Variants in MSANTD1 observed in about 807,000 individuals in gnomAD.
The protein encoded by MSANTD1 is Myb/SANT DNA binding domain containing 1.
A neutral mutation model predicts 24.2 loss-of-function variants in MSANTD1; 7 were observed. That is an observed-to-expected ratio of 0.29 (90% CI 0.16 to 0.54). The LOEUF is 0.54. MSANTD1 is among the 20% of genes least tolerant of loss of function. MSANTD1 has a pLI of 0.94. For missense variants in MSANTD1, 384 were observed against 408.2 expected (o/e 0.94, Z 0.51); for synonymous variants, 177 against 181.1 (o/e 0.98, Z 0.18).
Position 3,249,202 on chromosome 4 carries a change from C to T in MSANTD1, c.-21C>T, listed in dbSNP as rs543507216. ...GAGCGTGGAGCTGCCTTCGAGCGAG[C>T]GTGAGCGGCGCCTCCCGCCCATGGT... On this transcript the variant is annotated 5_prime_UTR_variant, in exon 1 of 3. Coordinates refer to ENST00000438480, the MANE Select transcript of MSANTD1 (RefSeq NM_001042690.2). The T allele has an allele frequency of 3.3e-5, 46 of 1,376,894 alleles. No individual in the cohort carries two copies. Among genetic ancestry groups the T allele is most frequent in the African/African-American group, 6.1e-5 (4 of 65,592 alleles). The allele number at this position is 1,376,894 out of a possible 1,614,324, so 85.3% of individuals were successfully genotyped here. A position where few individuals can be genotyped will look rare whatever the true frequency, so the allele number is the denominator to read the frequency against.
upstream of MSANTD1, among the ~76,000 whole-genome samples, chr4:3,246,225 C>A (rs1722021338): frequency 6.6e-6 from 1 of 152,172 alleles, no homozygotes; most frequent in African/African-American, 2.4e-5. Flanking sequence ...TGCCTTCACC[C>A]AAGCCCTGAA....
chr4:3,245,866 TCTGGGCCCTGGGTGGGCC>T (rs1722012241), upstream of MSANTD1, among the ~76,000 whole-genome samples: 1 of 152,132 alleles, frequency 6.6e-6, no homozygotes. Flanking sequence ...GTCGGGGGTG[TCTGGGCCCTGGGTGGGCC>T]CTGTGGACCT....
chr4:3,245,587 C>T (rs1294790299), upstream of MSANTD1, among the ~76,000 whole-genome samples: 2 of 152,324 alleles, frequency 1.3e-5, no homozygotes, highest in Admixed American at 6.5e-5. Flanking sequence ...GCATCCTCCG[C>T]GAGCCCACGA....
Position 3,256,011 on chromosome 4 carries a change from G to A in MSANTD1, c.*46G>A. The stretch of plus-strand genomic sequence containing the variant: ...GCGGGGCCGGGCGGCTGGTGGTACT[G>A]CTCAGGCCACCCAGGGCAGGCCACT... On this transcript the variant is annotated 3_prime_UTR_variant, in exon 3 of 3. Coordinates refer to ENST00000438480, the MANE Select transcript of MSANTD1 (RefSeq NM_001042690.2). The A allele has an allele frequency of 6.9e-7, 1 of 1,458,438 alleles. No individual in the cohort carries two copies. The highest frequency in any genetic ancestry group is 1.4e-5 in the African/African-American group (1 of 69,946). 90.3% of individuals were successfully genotyped at this position (1,458,438 alleles called of 1,614,324 possible). A position where few individuals can be genotyped will look rare whatever the true frequency, so the allele number is the denominator to read the frequency against.
At chr4:3,255,512 C>T (rs1174223587) in intron 2 of MSANTD1, among the ~76,000 whole-genome samples, 1 of 152,260 alleles carries the variant, frequency 6.6e-6, no homozygotes, top group Non-Finnish European at 1.5e-5. Context: ...GCATAAGCCT[C>T]CACACCCGGC....
chr4:3,247,525 C>T (rs891410826), upstream of MSANTD1: 3 of 152,250 alleles, frequency 2.0e-5, no homozygotes, highest in Non-Finnish European at 4.4e-5. Context: ...CATCTGCAGG[C>T]ACTCCACAGA....
chr4:3,250,459 G>A lies in MSANTD1; in HGVS notation c.320+917G>A, dbSNP rs560576135. Reference sequence around the variant, plus strand: ...GGGTGGGCAGGGGTCATGGTGGGGTGAAGGTCTCAGGCACAGGCAAGGTCA... The same window carrying A: ...GGGTGGGCAGGGGTCATGGTGGGGTAAAGGTCTCAGGCACAGGCAAGGTCA... On this transcript the variant is annotated intron_variant, in intron 1 of 2. Coordinates refer to ENST00000438480, the MANE Select transcript of MSANTD1 (RefSeq NM_001042690.2). Among the ~76,000 whole-genome samples, 8 of 152,328 alleles carry A rather than the reference G, an allele frequency of 5.3e-5. No homozygotes were observed. The East Asian group carries it at 1.3e-3, about 26-fold the overall frequency.
rs758237846 is a variant in MSANTD1 at position 3,253,294 on chromosome 4, C to T, written c.408C>T (p.Pro136=). 6.5e-5 allele frequency: 105 copies of T among 1,609,674 alleles called. No individual in the cohort carries two copies. The South Asian group carries it at 7.2e-4, about 11-fold the overall frequency. ...TTGATGGGATTCTGGCCAAGGTCCC[C>T]GAGTCCTGTGATGGCAAACTGCCGG... ...LAIDGILAKV[P]ESCDGKLPDS... is the part of the protein sequence containing the mutation. Residue 136 remains proline (P), a synonymous_variant, in exon 2 of 3, where the codon CCC becomes CCT. Transcript: ENST00000438480.
Position 3,253,332 on chromosome 4 carries a change from C to T in MSANTD1, c.446C>T (p.Pro149Leu), listed in dbSNP as rs990822772. 2.6e-5 allele frequency: 42 copies of T among 1,610,286 alleles called. No individual in the cohort carries two copies. Among genetic ancestry groups the T allele is most frequent in the Non-Finnish European group, 3.2e-5 (38 of 1,178,516 alleles). ...GGCAAACTGCCGGACAGCCAGCCGC[C>T]GGGGCCCTCCACGTCCCAGACCGAG... The part of the protein sequence containing the change: ...CDGKLPDSQP[P>L]GPSTSQTEAS... Residue 149 changes from proline (P) to leucine (L), a missense_variant, in exon 2 of 3, where the codon CCG becomes CTG. Physicochemically the swap from Pro to Leu is moderately conservative, Grantham distance 98. Coordinates refer to ENST00000438480, the MANE Select transcript of MSANTD1 (RefSeq NM_001042690.2).
intron 1 of MSANTD1, among the ~76,000 whole-genome samples, chr4:3,252,499 G>A (rs1241883036): frequency 6.6e-6 from 1 of 152,262 alleles, no homozygotes; most frequent in African/African-American, 2.4e-5. Flanking sequence ...TGCCCAGACT[G>A]TAGGTTCAAC....
rs1424981410 is a variant in MSANTD1, at chr4:3,249,330, G to C, written c.108G>C (p.Gln36His). The change falls in exon 1 of 3, where the codon CAG becomes CAC. Residue 36 changes from glutamine (Q) to histidine (H), a missense_variant. Gln to His is a conservative substitution (Grantham distance 24, BLOSUM62 0). Coordinates refer to ENST00000438480, the MANE Select transcript of MSANTD1 (RefSeq NM_001042690.2). ...GGCCCGGCTACCTCGTGTCTCCCCA[G>C]GCGGAGAAGCACCGGCGGGCCCGCA... The part of the protein sequence containing the change: ...AEGPGYLVSP[Q>H]AEKHRRARNW... The C allele has an allele frequency of 6.4e-6, 10 of 1,552,422 alleles. No homozygotes were observed.
chr4:3,251,458 C>T (rs1044773443), intron 1 of MSANTD1, among the ~76,000 whole-genome samples: 15 of 152,238 alleles, frequency 9.9e-5, no homozygotes, highest in East Asian at 9.7e-4. Flanking sequence ...AGGGCTGCAC[C>T]GGTGCACTGC....
chr4:3,254,645 A>T (rs564898788), intron 2 of MSANTD1, among the ~76,000 whole-genome samples: 1 of 152,248 alleles, frequency 6.6e-6, no homozygotes, highest in East Asian at 1.9e-4. Flanking sequence ...CCCTTCAGGG[A>T]GGTCTGCTGA....
rs749470812 is a variant in MSANTD1 at position 3,255,833 on chromosome 4, C to T, written c.705C>T (p.Arg235=). 33 of 1,545,576 alleles carry T rather than the reference C, an allele frequency of 2.1e-5. No individual in the cohort carries two copies. The highest frequency in any genetic ancestry group is 6.0e-5 in the South Asian group (5 of 83,962). ...TGGAGGAGCAGCGCCGGCTGAGCCG[C>T]GCCGTGGAGGAGACCTGCCGCGAGG... ...AMVEEQRRLS[R]AVEETCREVR... Residue 235 remains arginine (R), a synonymous_variant, in exon 3 of 3, where the codon CGC becomes CGT. Transcript: ENST00000438480.
At chr4:3,253,802 A>T (rs759244664) in intron 2 of MSANTD1, among the ~76,000 whole-genome samples, 6 of 152,268 alleles carry the variant, frequency 3.9e-5, no homozygotes, top group East Asian at 3.9e-4. Flanking sequence ...ATCACAGGAG[A>T]GAAGACGCAG....
intron 1 of MSANTD1, among the ~76,000 whole-genome samples, chr4:3,250,619 G>A (rs1722194611): frequency 6.6e-6 from 1 of 152,186 alleles, no homozygotes; most frequent in African/African-American, 2.4e-5. Context: ...GAAGCTGCAG[G>A]GGGAGAATGG....
At chr4:3,253,075 T>G in intron 1 of MSANTD1, 132 bp from the exon 2 acceptor site, 1 of 895,398 alleles carries the variant, frequency 1.1e-6, no homozygotes, top group Non-Finnish European at 1.6e-6. Flanking sequence ...CCGATTTTGC[T>G]GGGGAGGCCC....
upstream of MSANTD1, among the ~76,000 whole-genome samples, chr4:3,246,274 G>A (rs1722024720): frequency 6.6e-6 from 1 of 152,196 alleles, no homozygotes; most frequent in Admixed American, 6.5e-5. Flanking sequence ...TGCACAGGCT[G>A]TGCTCACCAC....
upstream of MSANTD1, chr4:3,244,278 C>T (rs1721948269): frequency 1.3e-5 from 2 of 152,678 alleles, no homozygotes; most frequent in Admixed American, 6.5e-5. Context: ...CTGCTGGAGC[C>T]TTCATGGTCA....
Sources: gnomAD v4.1 joint callset for allele counts (sites outside exome capture counted in the v4.1 genomes callset) on GRCh38, gnomAD v4.1.1 for gene constraint, MANE v1.5 for transcripts, NCBI Gene and HGNC (gene_info 2026-07-23, HGNC 2026-07-21) for gene names.